NF2: variants seen among roughly 807,000 people sequenced by gnomAD.
NF2 encodes the protein merlin.
A neutral mutation model predicts 83.7 loss-of-function variants in NF2; 8 were observed. The observed-to-expected ratio is 0.10, with a 90% confidence interval of 0.06 to 0.17. The LOEUF is 0.17. NF2 is among the 10% of genes least tolerant of loss of function. The probability of loss-of-function intolerance (pLI) is 1.00; values close to 1 mark genes in which losing one functional copy is unlikely to be tolerated. For synonymous variants in NF2, 266 were observed against 269.6 expected (o/e 0.99, Z 0.13); for missense variants, 533 against 744.4 (o/e 0.72, Z 3.31).
Position 29,636,747 on chromosome 22 carries a change from G to A in NF2, c.115-4G>A, listed in dbSNP as rs2065657756. The A allele has an allele frequency of 6.2e-7, 1 of 1,614,048 alleles. No homozygotes were observed. Among genetic ancestry groups the A allele is most frequent in the African/African-American group, 1.3e-5 (1 of 74,898 alleles). On this transcript the variant is annotated splice_region_variant and splice_polypyrimidine_tract_variant and intron_variant, in intron 1 of 15. Coordinates refer to ENST00000338641, the MANE Select transcript of NF2 (RefSeq NM_000268.4). The surrounding 1 kb of genome is among the most constrained non-coding windows in gnomAD (Gnocchi z 4.4). Reference sequence around the variant, plus strand: ...TGTCCTTCCCCATTGGTTTGTTATTGCAGATGAAGTGGAAAGGGAAGGACC... The same window carrying A: ...TGTCCTTCCCCATTGGTTTGTTATTACAGATGAAGTGGAAAGGGAAGGACC...
chr22:29,674,792 C>T (rs1170432292), intron 12 of NF2, 44 bp from the exon 13 acceptor site: 3 of 1,528,766 alleles, frequency 2.0e-6, no homozygotes, highest in Admixed American at 3.9e-5. Flanking sequence ...TTTCCTGCTA[C>T]CTGCCCTCTT....
intron 15 of NF2, among the ~76,000 whole-genome samples, chr22:29,692,570 C>T (rs2147163686): frequency 1.3e-5 from 2 of 152,318 alleles, no homozygotes; most frequent in East Asian, 3.9e-4. Context: ...GGGCAGGAGC[C>T]TCTCAAGGCC....
chr22:29,675,027 C>T (rs1414866396), intron 13 of NF2, 86 bp downstream of exon 13: 7 of 1,175,122 alleles, frequency 6.0e-6, no homozygotes, highest in Non-Finnish European at 8.7e-6. Context: ...CTGGCGGTGC[C>T]TTCAGGGTGA....
chr22:29,680,418 G>A (rs868276449), intron 14 of NF2, among the ~76,000 whole-genome samples: 5 of 152,186 alleles, frequency 3.3e-5, no homozygotes, highest in Admixed American at 2.0e-4. Context: ...CCGGTGATTA[G>A]GTTTCCACAT....
intron 15 of NF2, chr22:29,683,457 G>A: frequency 2.4e-6 from 3 of 1,228,606 alleles, no homozygotes; most frequent in South Asian, 2.0e-5. Flanking sequence ...AGACTGGTGT[G>A]TTTAACTCAA....
chr22:29,695,759 C>T lies in NF2; in HGVS notation c.*957C>T, dbSNP rs531577838. 27 of 233,914 alleles carry T rather than the reference C, an allele frequency of 1.2e-4. No homozygotes were observed. Among genetic ancestry groups the T allele is most frequent in the South Asian group, 9.0e-4 (5 of 5,542 alleles). The allele number at this position is 233,914 out of a possible 1,614,324, so 14.5% of individuals were successfully genotyped here. A position where few individuals can be genotyped will look rare whatever the true frequency, so the allele number is the denominator to read the frequency against. ...CTGAGCTCCACCGGCCCAGTCTGCA[C>T]GGCCCATCTGCTTCACCTTCCCTCC... On this transcript the variant is annotated 3_prime_UTR_variant, in exon 16 of 16. Coordinates refer to ENST00000338641, the MANE Select transcript of NF2 (RefSeq NM_000268.4). The surrounding 1 kb of genome is among the most constrained non-coding windows in gnomAD (Gnocchi z 5.4).
At chr22:29,620,406 T>G (rs1025978677) in intron 1 of NF2, among the ~76,000 whole-genome samples, 1 of 151,720 alleles carries the variant, frequency 6.6e-6, no homozygotes, top group Admixed American at 6.6e-5. Context: ...GGTGACAGAG[T>G]GAGACTCTGT....
chr22:29,677,760 G>A (rs1021066621), intron 13 of NF2, among the ~76,000 whole-genome samples: 1 of 152,174 alleles, frequency 6.6e-6, no homozygotes, highest in Non-Finnish European at 1.5e-5. Context: ...GCCTCTGTTC[G>A]CTCCCTGGCT....
At chr22:29,648,298 A>C (rs894693796) in intron 4 of NF2, among the ~76,000 whole-genome samples, 5 of 152,216 alleles carry the variant, frequency 3.3e-5, no homozygotes, top group Non-Finnish European at 7.3e-5. Flanking sequence ...TGAAACATGC[A>C]CTTTATAGAA....
At chr22:29,634,777 G>A (rs889010433) in intron 1 of NF2, among the ~76,000 whole-genome samples, 30 of 152,166 alleles carry the variant, frequency 2.0e-4, no homozygotes, top group Non-Finnish European at 3.5e-4. Flanking sequence ...CATTTCTTCA[G>A]TGAAGTCTGC....
intron 11 of NF2, 78 bp from the exon 12 acceptor site, chr22:29,673,191 C>T (rs2066855486): frequency 6.9e-7 from 1 of 1,456,102 alleles, no homozygotes; most frequent in Non-Finnish European, 9.4e-7. Context: ...TGGTTTGTCC[C>T]ATCTCAGTGT....
chr22:29,613,512 CA>C (rs377103705), intron 1 of NF2, among the ~76,000 whole-genome samples: 204 of 152,166 alleles, frequency 1.3e-3, no homozygotes, highest in African/African-American at 4.7e-3. Flanking sequence ...GCCTGGGGGA[CA>C]GAGCGAGATT....
intron 15 of NF2, among the ~76,000 whole-genome samples, chr22:29,684,657 C>T (rs1244824298): frequency 2.0e-5 from 3 of 152,024 alleles, no homozygotes; most frequent in Non-Finnish European, 4.4e-5. Context: ...TTTAATGTCT[C>T]GATGTGAACT....
Position 29,695,891 on chromosome 22 carries a change from TG to T in NF2, c.*1094del. ...TTCGGGCCCTGAATTTTCTGTTCCC[TG>T]GGGGCCAGCCAGGGCCCTTTGTGCC... On this transcript the variant is annotated 3_prime_UTR_variant, in exon 16 of 16. Coordinates refer to ENST00000338641, the MANE Select transcript of NF2 (RefSeq NM_000268.4). This position sits in a 1 kb window ranked among gnomAD's most constrained non-coding sequence, Gnocchi z 5.4. 4.3e-6 allele frequency: 1 copy of T among 233,512 alleles called. No homozygotes were observed. The highest frequency in any genetic ancestry group is 6.0e-5 in the East Asian group (1 of 16,686). The allele number at this position is 233,512 out of a possible 1,614,324, so 14.5% of individuals were successfully genotyped here. A position where few individuals can be genotyped will look rare whatever the true frequency, so the allele number is the denominator to read the frequency against.
chr22:29,637,166 G>A lies in NF2; in HGVS notation c.240+290G>A, dbSNP rs568870171. Among the ~76,000 whole-genome samples, 53 of 152,224 alleles carry A rather than the reference G, an allele frequency of 3.5e-4. 1 individual carries two copies. The Middle Eastern group carries it at 0.02, about 59-fold the overall frequency. On this transcript the variant is annotated intron_variant, in intron 2 of 15. Transcript: ENST00000338641. ...TCTGGCTTTATGCCTTTCAGTTTATGAATAAAAACTTCATGAATAAAAATT... is the reference window on the plus strand; with the variant it reads ...TCTGGCTTTATGCCTTTCAGTTTATAAATAAAAACTTCATGAATAAAAATT...
At chr22:29,660,550 GA>G (rs978452517) in intron 7 of NF2, among the ~76,000 whole-genome samples, 2 of 152,162 alleles carry the variant, frequency 1.3e-5, no homozygotes, top group East Asian at 1.9e-4. Flanking sequence ...TTAAATATAA[GA>G]AATCATTAAA....
chr22:29,640,194 TAAAAAA>T (rs11379333), intron 3 of NF2, among the ~76,000 whole-genome samples: 19 of 92,792 alleles, frequency 2.0e-4, no homozygotes, highest in Non-Finnish European at 3.5e-4. Flanking sequence ...GACTCTGTCT[TAAAAAA>T]AAAAAAAAAA....
intron 15 of NF2, among the ~76,000 whole-genome samples, chr22:29,688,449 AT>A (rs769788149): frequency 2.0e-5 from 3 of 152,162 alleles, no homozygotes; most frequent in Non-Finnish European, 4.4e-5. Context: ...GATGTTGGCA[AT>A]TTTAAAATGA....
At chr22:29,643,492 C>G (rs1419008434) in intron 4 of NF2, among the ~76,000 whole-genome samples, 1 of 152,100 alleles carries the variant, frequency 6.6e-6, no homozygotes, top group Non-Finnish European at 1.5e-5. Context: ...GGTGATGACT[C>G]TTAATGAGCA....
Sources: allele counts gnomAD v4.1 joint callset (sites outside exome capture counted in the v4.1 genomes callset), GRCh38; gene constraint gnomAD v4.1.1; non-coding constraint Gnocchi (gnomAD v3.1); transcripts MANE v1.5; gene names NCBI Gene and HGNC (gene_info 2026-07-23, HGNC 2026-07-21).